The following FXR1 variants were observed in gnomAD, a reference collection of about 807,000 sequenced individuals.
FXR1 encodes FMR1 autosomal homolog 1.
Under a neutral mutation model 84.0 loss-of-function variants are expected in FXR1, and 15 were observed. That is an observed-to-expected ratio of 0.18 (90% CI 0.12 to 0.27). The LOEUF is 0.27. FXR1 is among the 10% of genes least tolerant of loss of function. The probability of loss-of-function intolerance (pLI) is 1.00; values close to 1 mark genes in which losing one functional copy is unlikely to be tolerated. For synonymous variants in FXR1, 245 were observed against 250.7 expected (o/e 0.98, Z 0.21); for missense variants, 480 against 774.4 (o/e 0.62, Z 4.51).
intron 8 of FXR1, among the ~76,000 whole-genome samples, chr3:180,952,033 G>T (rs927702741): frequency 6.6e-6 from 1 of 152,058 alleles, no homozygotes; most frequent in Non-Finnish European, 1.5e-5. Flanking sequence ...GTTTAGAAAA[G>T]TATATATAAA....
chr3:180,942,452 A>C (rs926716348), intron 3 of FXR1, among the ~76,000 whole-genome samples: 12 of 142,716 alleles, frequency 8.4e-5, no homozygotes, highest in Non-Finnish European at 1.5e-5. Context: ...TGATGACTTT[A>C]GGATCCAGAT....
intron 1 of FXR1, among the ~76,000 whole-genome samples, chr3:180,914,301 G>A (rs1717619783): frequency 6.6e-6 from 1 of 152,124 alleles, no homozygotes; most frequent in African/African-American, 2.4e-5. Flanking sequence ...GGGTAAGACG[G>A]CGAAAAGAAT....
chr3:180,975,989 T>C, intron 16 of FXR1, 133 bp from the exon 17 acceptor site: 2 of 623,984 alleles, frequency 3.2e-6, no homozygotes, highest in Non-Finnish European at 5.6e-6. Context: ...TAAAGATGTT[T>C]TAATACTTTG....
intron 1 of FXR1, chr3:180,915,668 C>G (rs776045040): frequency 5.4e-5 from 38 of 703,226 alleles, no homozygotes; most frequent in Non-Finnish European, 8.8e-5. Flanking sequence ...TCCTCTTACC[C>G]CGTATAGGCA....
intron 11 of FXR1, 82 bp downstream of exon 11, chr3:180,961,636 A>G (rs983240022): frequency 3.0e-6 from 2 of 669,030 alleles, no homozygotes; most frequent in African/African-American, 1.8e-5. Context: ...CAAATTTAAA[A>G]TGTCCTCACA....
intron 1 of FXR1, among the ~76,000 whole-genome samples, chr3:180,925,547 T>C (rs1387745656): frequency 1.3e-5 from 2 of 152,146 alleles, no homozygotes; most frequent in Non-Finnish European, 2.9e-5. Context: ...ACTGAAATGC[T>C]CAGGGGTTAC....
In FXR1 at chr3:180,912,699, C is replaced by G. The variant is rs1272975303; in HGVS notation, c.14C>G (p.Thr5Arg). 2.5e-6 allele frequency: 4 copies of G among 1,613,726 alleles called. No individual in the cohort carries two copies. Among genetic ancestry groups the G allele is most frequent in the Admixed American group, 1.7e-5 (1 of 59,990 alleles). The change falls in exon 1 of 17, where the codon ACG (threonine) becomes AGG (arginine). Residue 5 changes from threonine (T) to arginine (R), a missense_variant. Thr to Arg is a moderately conservative substitution (Grantham distance 71, BLOSUM62 -1). Coordinates refer to ENST00000357559, the MANE Select transcript of FXR1 (RefSeq NM_005087.4). ...TGCGGTTCCAACATGGCGGAGCTGA[C>G]GGTGGAGGTTCGCGGCTCTAACGGG... MAEL[T>R]VEVRGSNGAF...
At chr3:180,942,709 G>A (rs1721268044) in intron 3 of FXR1, among the ~76,000 whole-genome samples, 1 of 152,178 alleles carries the variant, frequency 6.6e-6, no homozygotes, top group Admixed American at 6.5e-5. Context: ...AGAGCAGTGT[G>A]TGGGCCATTT....
intron 10 of FXR1, among the ~76,000 whole-genome samples, chr3:180,958,764 C>G (rs1711672456): frequency 6.6e-6 from 1 of 151,506 alleles, no homozygotes; most frequent in Non-Finnish European, 1.5e-5. Context: ...ATTGAAATCC[C>G]CTTACACTTT....
intron 10 of FXR1, among the ~76,000 whole-genome samples, chr3:180,959,710 G>C (rs1711842829): frequency 6.6e-6 from 1 of 150,502 alleles, no homozygotes; most frequent in Non-Finnish European, 1.5e-5. Context: ...ACAGTGTTAA[G>C]ACTTCTTCAC....
intron 7 of FXR1, among the ~76,000 whole-genome samples, chr3:180,950,666 C>T (rs1301729121): frequency 6.6e-6 from 1 of 152,080 alleles, no homozygotes; most frequent in African/African-American, 2.4e-5. Flanking sequence ...CCCCTGACAA[C>T]CATCATTCTA....
intron 9 of FXR1, among the ~76,000 whole-genome samples, chr3:180,955,274 C>T (rs1026966812): frequency 2.0e-5 from 3 of 152,146 alleles, no homozygotes; most frequent in East Asian, 1.9e-4. Flanking sequence ...GCTGGGATTA[C>T]AGGCGTGATC....
At chr3:180,950,085 T>C in intron 7 of FXR1, among the ~76,000 whole-genome samples, 1 of 152,206 alleles carries the variant, frequency 6.6e-6, no homozygotes, top group Middle Eastern at 3.2e-3. Context: ...CTTATCATTA[T>C]ATCTCTGTCT....
chr3:180,976,319 C>G lies in FXR1; in HGVS notation c.*27C>G, dbSNP rs1274331205. 6.8e-7 allele frequency: 1 copy of G among 1,474,444 alleles called. No homozygotes were observed. Among genetic ancestry groups the G allele is most frequent in the Non-Finnish European group, 9.3e-7 (1 of 1,079,610 alleles). 91.3% of individuals were successfully genotyped at this position (1,474,444 alleles called of 1,614,324 possible). On this transcript the variant is annotated 3_prime_UTR_variant, in exon 17 of 17. Transcript: ENST00000357559. ...CTGAAGAAGTTCCTAGTTTACAGTT[C>G]TTTTACATTACATTTACAATAGTGC...
chr3:180,974,844 AACAC>A (rs557621994), intron 15 of FXR1, among the ~76,000 whole-genome samples: 9 of 152,204 alleles, frequency 5.9e-5, no homozygotes, highest in Non-Finnish European at 7.4e-5. Context: ...TTTAAAAAAA[AACAC>A]ACACACACAT....
intron 10 of FXR1, among the ~76,000 whole-genome samples, chr3:180,960,435 CTG>C (rs1711950442): frequency 6.6e-6 from 1 of 152,066 alleles, no homozygotes; most frequent in Non-Finnish European, 1.5e-5. Context: ...TCTATCTAGT[CTG>C]TAAGTTTATA....
chr3:180,935,105 T>C lies in FXR1; in HGVS notation c.105-33T>C, dbSNP rs368721769. On this transcript the variant is annotated intron_variant, in intron 2 of 16. Transcript: ENST00000357559. ...ACACCAGGCGTAGACTATATATTTT[T>C]AAGTTGTTAATACACCTTTTCTAAT... 36 of 997,552 alleles carry C rather than the reference T, an allele frequency of 3.6e-5. No homozygotes were observed. The African/African-American group carries it at 5.5e-4, about 15-fold the overall frequency. The allele number at this position is 997,552 out of a possible 1,614,324, so 61.8% of individuals were successfully genotyped here. A position where few individuals can be genotyped will look rare whatever the true frequency, so the allele number is the denominator to read the frequency against.
chr3:180,927,541 C>T (rs892184002), intron 1 of FXR1: 9 of 551,216 alleles, frequency 1.6e-5, no homozygotes, highest in Admixed American at 7.3e-5. Context: ...TTTTCCACAA[C>T]GGCTCCTGTC....
At chr3:180,913,346 A>G (rs2108411263) in intron 1 of FXR1, among the ~76,000 whole-genome samples, 1 of 152,208 alleles carries the variant, frequency 6.6e-6, no homozygotes, top group Middle Eastern at 3.4e-3. Context: ...GGGTTGGAAT[A>G]TTTTTGCGGC....
Sources: allele counts gnomAD v4.1 joint callset (sites outside exome capture counted in the v4.1 genomes callset), GRCh38; gene constraint gnomAD v4.1.1; transcripts MANE v1.5; gene names NCBI Gene and HGNC (gene_info 2026-07-23, HGNC 2026-07-21).